The following CACNA1A variants were observed in gnomAD, a reference collection of about 807,000 sequenced individuals.
The protein encoded by CACNA1A is calcium voltage-gated channel subunit alpha1 A, also known as voltage-dependent P/Q-type calcium channel subunit alpha-1A.
CACNA1A carries 57 observed loss-of-function variants against 262.4 expected under a neutral mutation model. That is an observed-to-expected ratio of 0.22 (90% CI 0.18 to 0.27). The LOEUF is 0.27. Ranked by LOEUF, CACNA1A falls within the 10% of genes least tolerant of loss-of-function variation. The pLI is 1.00. For synonymous variants in CACNA1A, 1,431 were observed against 1,419.3 expected (o/e 1.01, Z -0.18); for missense variants, 2,526 against 3,562.8 (o/e 0.71, Z 7.41).
At chr19:13,312,641 A>G (rs1198294316) in intron 12 of CACNA1A, 28 bp downstream of exon 12, 4 of 1,331,244 alleles carry the variant, frequency 3.0e-6, no homozygotes, top group Non-Finnish European at 4.2e-6. Context: ...AGCTGGAGAA[A>G]TGAACTCTTA....
chr19:13,380,741 GTTTGTTTGTTTATTTATTTA>G (rs1397606632), intron 3 of CACNA1A, among the ~76,000 whole-genome samples: 69 of 123,130 alleles, frequency 5.6e-4, no homozygotes, highest in African/African-American at 2.4e-3. Flanking sequence ...TGGTTTGTTT[GTTTGTTTGTTTATTTATTTA>G]TTTATTTATT....
At chr19:13,307,723 G>T in intron 15 of CACNA1A, 59 bp downstream of exon 15, 1 of 1,425,716 alleles carries the variant, frequency 7.0e-7, no homozygotes, top group Non-Finnish European at 9.9e-7. Context: ...ATGTGGAGCA[G>T]GCACTTTCAT....
In CACNA1A at chr19:13,433,460, CAAAAAAAA is replaced by C. The variant is rs533297364; in HGVS notation, c.539+19408_539+19415del. On this transcript the variant is annotated intron_variant, in intron 3 of 46. Coordinates refer to ENST00000360228, the MANE Select transcript of CACNA1A (RefSeq NM_001127222.2). The stretch of plus-strand genomic sequence containing the variant: ...TCGGCAACAAAGCAAGACGCTGTCT[CAAAAAAAA>C]AAAAAAAAAAAAAAAGTCAGCTGAA... Among the ~76,000 whole-genome samples, 13 of 76,226 alleles carry C rather than the reference CAAAAAAAA, an allele frequency of 1.7e-4. 1 individual carries two copies. The highest frequency in any genetic ancestry group is 1.5e-4 in the Admixed American group (1 of 6,552). 50.0% of individuals were successfully genotyped at this position (76,226 alleles called of 152,430 possible).
chr19:13,452,541 A>G (rs10402893), intron 3 of CACNA1A: 36,137 of 183,714 alleles, frequency 0.2, 5,012 homozygotes, highest in East Asian at 0.5. Context: ...AGCAAGTTAC[A>G]CTCTGAGTTT....
Position 13,212,609 on chromosome 19 carries a change from C to T in CACNA1A, c.6050+22G>A. The T allele has an allele frequency of 6.6e-7, 1 of 1,510,638 alleles. No homozygotes were observed. Among genetic ancestry groups the T allele is most frequent in the Non-Finnish European group, 8.9e-7 (1 of 1,122,868 alleles). The allele number at this position is 1,510,638 out of a possible 1,614,324, so 93.6% of individuals were successfully genotyped here. A position where few individuals can be genotyped will look rare whatever the true frequency, so the allele number is the denominator to read the frequency against. On this transcript the variant is annotated intron_variant, in intron 41 of 46. Transcript: ENST00000360228. The surrounding 1 kb of genome is among the most constrained non-coding windows in gnomAD (Gnocchi z 5.6). ...ACCACGGCACCCCCACACTCCACCT[C>T]CCTGGCAGGGGTGACACTCACAGGG...
At chr19:13,500,764 T>C (rs1020737752) in intron 1 of CACNA1A, among the ~76,000 whole-genome samples, 1 of 152,210 alleles carries the variant, frequency 6.6e-6, no homozygotes, top group African/African-American at 2.4e-5. Flanking sequence ...ATAGCAGCTC[T>C]ATTCATAATC....
chr19:13,223,960 G>A (rs905830269), intron 38 of CACNA1A, among the ~76,000 whole-genome samples: 1 of 152,112 alleles, frequency 6.6e-6, no homozygotes, highest in African/African-American at 2.4e-5. Flanking sequence ...GAGCCCAGGA[G>A]TTTGAGACCA....
At chr19:13,491,092 C>A (rs1202782335) in intron 1 of CACNA1A, among the ~76,000 whole-genome samples, 1 of 152,210 alleles carries the variant, frequency 6.6e-6, no homozygotes, top group Non-Finnish European at 1.5e-5. Context: ...CATCTCTTGC[C>A]CACTCGCACA....
intron 3 of CACNA1A, among the ~76,000 whole-genome samples, chr19:13,375,275 A>G (rs895256043): frequency 9.9e-5 from 15 of 152,100 alleles, no homozygotes; most frequent in African/African-American, 3.4e-4. Context: ...TGATCGATAA[A>G]TATTGTGTGT....
intron 1 of CACNA1A, among the ~76,000 whole-genome samples, chr19:13,481,094 G>A (rs1377506605): frequency 2.0e-5 from 3 of 152,194 alleles, no homozygotes; most frequent in East Asian, 3.9e-4. Flanking sequence ...CCACCCCTCA[G>A]GGCACTGAAA....
In CACNA1A at chr19:13,427,149, C is replaced by T. The variant is rs183380067; in HGVS notation, c.539+25727G>A. Among the ~76,000 whole-genome samples, 61 of 152,020 alleles carry T rather than the reference C, an allele frequency of 4.0e-4. 2 individuals are homozygous for T. In the South Asian group the frequency reaches 0.012, roughly 29 times the overall value. ...CACAGGGAAAATGGAAGAAATGCAC[C>T]GATAAAAGTGGTCCCCCCCAGGGCA... On this transcript the variant is annotated intron_variant, in intron 3 of 46. Transcript: ENST00000360228.
intron 23 of CACNA1A, among the ~76,000 whole-genome samples, chr19:13,276,533 A>G (rs1461403629): frequency 1.3e-5 from 2 of 151,026 alleles, no homozygotes; most frequent in Non-Finnish European, 3.0e-5. Context: ...TCACCTCCCC[A>G]CTCATCTCTC....
At chr19:13,289,428 T>C (rs1233374026) in intron 19 of CACNA1A, among the ~76,000 whole-genome samples, 4 of 152,196 alleles carry the variant, frequency 2.6e-5, no homozygotes, top group Non-Finnish European at 5.9e-5. Flanking sequence ...ATTATAGGCA[T>C]GAGCCACTAC....
chr19:13,295,744 C>T (rs2057653387), intron 19 of CACNA1A, among the ~76,000 whole-genome samples: 1 of 152,118 alleles, frequency 6.6e-6, no homozygotes, highest in Admixed American at 6.6e-5. Context: ...ATTCTCCTTC[C>T]TCAGCCTCCC....
At chr19:13,402,719 C>CATAT (rs200958964) in intron 3 of CACNA1A, among the ~76,000 whole-genome samples, 8 of 143,246 alleles carry the variant, frequency 5.6e-5, no homozygotes, top group South Asian at 2.2e-4. Context: ...GACCAAATTT[C>CATAT]ATATATATAT....
At chr19:13,406,800 C>T (rs1038986874) in intron 3 of CACNA1A, among the ~76,000 whole-genome samples, 2 of 151,882 alleles carry the variant, frequency 1.3e-5, no homozygotes, top group African/African-American at 4.8e-5. Flanking sequence ...ACAACCACCC[C>T]TTGTCTAAAT....
intron 10 of CACNA1A, among the ~76,000 whole-genome samples, chr19:13,326,888 A>G (rs1348651572): frequency 6.7e-6 from 1 of 149,536 alleles, no homozygotes; most frequent in Non-Finnish European, 1.5e-5. Flanking sequence ...GCATTACTGT[A>G]TTATTACTTT....
intron 3 of CACNA1A, among the ~76,000 whole-genome samples, chr19:13,406,511 A>ATATG (rs2060013155): frequency 9.2e-6 from 1 of 108,580 alleles, no homozygotes; most frequent in Non-Finnish European, 1.9e-5. Flanking sequence ...ATATATATAT[A>ATATG]TGAAGGGAAT....
chr19:13,454,979 T>C, intron 2 of CACNA1A, 128 bp downstream of exon 2: 1 of 584,758 alleles, frequency 1.7e-6, no homozygotes, highest in Admixed American at 2.6e-5. Flanking sequence ...GAAAAGGAAA[T>C]TTAGGCTTCC....
Sources: gnomAD v4.1 joint callset for allele counts (sites outside exome capture counted in the v4.1 genomes callset) on GRCh38, gnomAD v4.1.1 for gene constraint, Gnocchi (gnomAD v3.1) non-coding constraint, MANE v1.5 for transcripts, NCBI Gene and HGNC (gene_info 2026-07-23, HGNC 2026-07-21) for gene names.